Variants in CCDC180 observed in about 807,000 individuals in gnomAD.
CCDC180 encodes coiled-coil domain-containing protein 180.
A neutral mutation model predicts 209.2 loss-of-function variants in CCDC180; 154 were observed. The ratio of observed to expected loss-of-function variants is 0.74; its 90% confidence interval spans 0.65 to 0.84. The LOEUF (loss-of-function observed/expected upper bound fraction) is 0.84, where lower values mean the gene tolerates loss of function less well. Ranked by LOEUF, CCDC180 falls within the 40% of genes least tolerant of loss-of-function variation. The pLI, the probability that CCDC180 is intolerant of heterozygous loss-of-function variation, is 0.00. For synonymous variants in CCDC180, 778 were observed against 749.1 expected (o/e 1.04, Z -0.63); for missense variants, 1,874 against 1,997.3 (o/e 0.94, Z 1.18).
At chr9:97,364,395 G>C in intron 29 of CCDC180, 1 of 401,102 alleles carries the variant, frequency 2.5e-6, no homozygotes, top group South Asian at 3.2e-5. Context: ...TTCGAGGTCT[G>C]AACTTTTTTT....
intron 12 of CCDC180, 81 bp from the exon 13 acceptor site, chr9:97,323,700 C>T (rs969837417): frequency 5.0e-5 from 73 of 1,455,366 alleles, no homozygotes; most frequent in South Asian, 1.6e-4. Context: ...ACTTGTGCAA[C>T]GCTGAGGCCT....
At chr9:97,337,114 G>A (rs1163455270) in intron 18 of CCDC180, among the ~76,000 whole-genome samples, 1 of 152,168 alleles carries the variant, frequency 6.6e-6, no homozygotes, top group African/African-American at 2.4e-5. Flanking sequence ...TGCAAACAGG[G>A]ACAATTTGAC....
Position 97,377,237 on chromosome 9 carries a change from G to A in CCDC180, c.*343G>A. The A allele has an allele frequency of 5.6e-6, 1 of 177,254 alleles. No individual in the cohort carries two copies. Among genetic ancestry groups the A allele is most frequent in the Non-Finnish European group, 1.2e-5 (1 of 83,364 alleles). The allele number at this position is 177,254 out of a possible 1,614,324, so 11.0% of individuals were successfully genotyped here. Reference sequence around the variant, plus strand: ...CGTCATCTTGAAAAATGAAATAAAGGTCATGGGAAAATGATATTTTAATTT... The same window carrying A: ...CGTCATCTTGAAAAATGAAATAAAGATCATGGGAAAATGATATTTTAATTT... On this transcript the variant is annotated 3_prime_UTR_variant, in exon 37 of 37. Coordinates refer to ENST00000529487, the MANE Select transcript of CCDC180 (RefSeq NM_020893.6).
At chr9:97,365,501 C>T in intron 29 of CCDC180, 172 bp from the exon 30 acceptor site, 1 of 615,266 alleles carries the variant, frequency 1.6e-6, no homozygotes, top group Non-Finnish European at 2.9e-6. Context: ...AGAAAGTTAG[C>T]TGCTGTTATG....
At chr9:97,310,381 A>C (rs756284301) in intron 3 of CCDC180, among the ~76,000 whole-genome samples, 26 of 151,098 alleles carry the variant, frequency 1.7e-4, no homozygotes, top group Admixed American at 4.6e-4. Flanking sequence ...TGCTGGGTGA[A>C]CAGCAGAAAT....
intron 10 of CCDC180, among the ~76,000 whole-genome samples, chr9:97,318,919 G>C (rs1262398016): frequency 6.6e-6 from 1 of 152,166 alleles, no homozygotes; most frequent in Non-Finnish European, 1.5e-5. Context: ...GGAGCAGAGT[G>C]GCTCCATGAG....
chr9:97,365,683 G>A lies in CCDC180; in HGVS notation c.3991G>A (p.Gly1331Arg). 1 of 1,614,088 alleles carries A rather than the reference G, an allele frequency of 6.2e-7. No homozygotes were observed. Among genetic ancestry groups the A allele is most frequent in the Middle Eastern group, 1.6e-4 (1 of 6,062 alleles). ...TCGTGTGTGTTGCAGGGATTTTAAG[G>A]GGATCATCTTGACCCTCCTCTGGGA... ...KPPPAAEDFK[G>R]IILTLLWESS... is the part of the protein sequence containing the mutation. Residue 1331 changes from glycine (G) to arginine (R), a missense_variant, in exon 30 of 37, where the codon GGG (glycine) becomes AGG (arginine). By Grantham distance (125) the Gly-to-Arg change is moderately radical (BLOSUM62 -2). Coordinates refer to ENST00000529487, the MANE Select transcript of CCDC180 (RefSeq NM_020893.6).
chr9:97,376,662 A>G (rs1042842287), intron 36 of CCDC180, 101 bp from the exon 37 acceptor site: 1 of 1,284,782 alleles, frequency 7.8e-7, no homozygotes, highest in African/African-American at 1.5e-5. Flanking sequence ...AGTGCCTGGA[A>G]TGGGTTAAAA....
chr9:97,377,049 C>T lies in CCDC180; in HGVS notation c.*155C>T, dbSNP rs1216394467. ...AGCTTTACCAGCGAACAGGACACAGCATGGTCCCTGCCCACGTGGAGCCCT... is the reference window on the plus strand; with the variant it reads ...AGCTTTACCAGCGAACAGGACACAGTATGGTCCCTGCCCACGTGGAGCCCT... On this transcript the variant is annotated 3_prime_UTR_variant, in exon 37 of 37. Coordinates refer to ENST00000529487, the MANE Select transcript of CCDC180 (RefSeq NM_020893.6). The T allele has an allele frequency of 1.3e-6, 1 of 760,404 alleles. No individual in the cohort carries two copies. The highest frequency in any genetic ancestry group is 2.0e-6 in the Non-Finnish European group (1 of 508,274). The allele number at this position is 760,404 out of a possible 1,614,324, so 47.1% of individuals were successfully genotyped here.
intron 18 of CCDC180, among the ~76,000 whole-genome samples, chr9:97,338,833 T>A (rs1825987977): frequency 6.6e-6 from 1 of 152,226 alleles, no homozygotes; most frequent in Non-Finnish European, 1.5e-5. Flanking sequence ...TTTATGAATC[T>A]AGGTGTTCCT....
In CCDC180 at chr9:97,355,015, T is replaced by C. The variant is rs996075245; in HGVS notation, c.3264+7T>C. 3.2e-6 allele frequency: 5 copies of C among 1,567,494 alleles called. No homozygotes were observed. The highest frequency in any genetic ancestry group is 2.2e-5 in the East Asian group (1 of 44,662). On this transcript the variant is annotated splice_region_variant and intron_variant, in intron 24 of 36. Coordinates refer to ENST00000529487, the MANE Select transcript of CCDC180 (RefSeq NM_020893.6). ...AGTGAAAATCAAGTGCCAGGTAGGA[T>C]AGATTCATTCTTCATCAAGGATCTT...
Position 97,327,731 on chromosome 9 carries a change from C to T in CCDC180, c.1662-289C>T, listed in dbSNP as rs542354269. Among the ~76,000 whole-genome samples the T allele has an allele frequency of 2.6e-5, 4 of 152,270 alleles. No individual in the cohort carries two copies. In the South Asian group the frequency reaches 8.3e-4, roughly 32 times the overall value. ...TTTGATGGAATAATGTAGGTACCGT[C>T]AAGTTCGAGGACAGCATTAAGACCA... On this transcript the variant is annotated intron_variant, in intron 15 of 36. Coordinates refer to ENST00000529487, the MANE Select transcript of CCDC180 (RefSeq NM_020893.6).
chr9:97,327,727 C>G (rs1176299091), intron 15 of CCDC180, among the ~76,000 whole-genome samples: 1 of 152,070 alleles, frequency 6.6e-6, no homozygotes, highest in Non-Finnish European at 1.5e-5. Flanking sequence ...AATGTAGGTA[C>G]CGTCAAGTTC....
intron 2 of CCDC180, 70 bp downstream of exon 2, chr9:97,308,202 C>A: frequency 7.3e-7 from 1 of 1,362,648 alleles, no homozygotes; most frequent in Non-Finnish European, 9.8e-7. Flanking sequence ...TTCCCTCCCT[C>A]CCAGGGCTTC....
intron 3 of CCDC180, among the ~76,000 whole-genome samples, chr9:97,310,507 G>C (rs1832947320): frequency 6.6e-6 from 1 of 152,170 alleles, no homozygotes; most frequent in African/African-American, 2.4e-5. Flanking sequence ...AGCTCTGACT[G>C]TCAGCTATGG....
At chr9:97,353,931 A>C (rs568062226) in intron 22 of CCDC180, among the ~76,000 whole-genome samples, 1 of 151,756 alleles carries the variant, frequency 6.6e-6, no homozygotes, top group South Asian at 2.1e-4. Context: ...TCTGGTGCAA[A>C]GTCTTGGCTT....
chr9:97,337,077 G>A (rs1024079689), intron 18 of CCDC180, among the ~76,000 whole-genome samples: 37 of 152,192 alleles, frequency 2.4e-4, no homozygotes, highest in African/African-American at 8.7e-4. Flanking sequence ...AGACAATGGG[G>A]TTTTCTAAAT....
At chr9:97,323,257 A>C (rs1299422802) in intron 12 of CCDC180, among the ~76,000 whole-genome samples, 1 of 152,144 alleles carries the variant, frequency 6.6e-6, no homozygotes, top group Admixed American at 6.5e-5. Flanking sequence ...AGATCACCTC[A>C]GACTTCACCC....
intron 19 of CCDC180, among the ~76,000 whole-genome samples, chr9:97,344,349 C>A (rs770514530): frequency 5.9e-5 from 9 of 152,160 alleles, no homozygotes; most frequent in Non-Finnish European, 1.0e-4. Flanking sequence ...GGCCTTTGGG[C>A]TCTTTCTCCT....
Sources: gnomAD v4.1 joint callset for allele counts (sites outside exome capture counted in the v4.1 genomes callset) on GRCh38, gnomAD v4.1.1 for gene constraint, MANE v1.5 for transcripts, NCBI Gene and HGNC (gene_info 2026-07-23, HGNC 2026-07-21) for gene names.